IGDCC4: variants seen among roughly 807,000 people sequenced by gnomAD.
IGDCC4 encodes the protein likely ortholog of mouse neighbor of Punc E11.
A neutral mutation model predicts 116.6 loss-of-function variants in IGDCC4; 72 were observed. That is an observed-to-expected ratio of 0.62 (90% confidence interval 0.51 to 0.75). The LOEUF (loss-of-function observed/expected upper bound fraction) is 0.75. Ranked by LOEUF, IGDCC4 falls within the 30% of genes least tolerant of loss-of-function variation. The pLI is 0.00. For synonymous variants in IGDCC4, 709 were observed against 719.9 expected, an observed-to-expected ratio of 0.98 and a Z score of 0.24; for missense variants, 1,501 against 1,662.4, an observed-to-expected ratio of 0.90 and a Z score of 1.69.
At chr15:65,392,105 T>G in intron 11 of IGDCC4, 29 bp downstream of exon 11, 6 of 1,429,152 alleles carry the variant, frequency 4.2e-6, no homozygotes, top group Non-Finnish European at 4.8e-6. Flanking sequence ...GCTACATCCC[T>G]CCCTCCCCCT....
chr15:65,402,454 G>A lies in IGDCC4; in HGVS notation c.597C>T (p.Ile199=), dbSNP rs1157857019. ...CTGCATCACTCTCCTGAACATCCAG[G>A]ATCTGAAGGACGCCGTTGGGAAGCA... ...LIVLPNGVLQ[I]LDVQESDAGP... is the part of the protein sequence containing the mutation. Residue 199 remains isoleucine (I), a synonymous_variant, in exon 4 of 20, where the codon ATC becomes ATT. Transcript: ENST00000352385. 1.3e-6 allele frequency: 2 copies of A among 1,567,132 alleles called. No individual in the cohort carries two copies. Among genetic ancestry groups the A allele is most frequent in the Non-Finnish European group, 8.7e-7 (1 of 1,155,260 alleles).
In IGDCC4 at chr15:65,410,279, C is replaced by T. The variant is rs367852453; in HGVS notation, c.462G>A (p.Val154=). 20 of 1,613,946 alleles carry T rather than the reference C, an allele frequency of 1.2e-5. No homozygotes were observed. The highest frequency in any genetic ancestry group is 1.6e-4 in the Middle Eastern group (1 of 6,064). The stretch of plus-strand genomic sequence containing the variant: ...CAAAGCGAGCTGTCCCGTTCTCCTC[C>T]ACCGTCTGAGACTCCGGGTGCAGAG... The part of the protein sequence containing the change: ...DFSLHPESQT[V]EENGTARFEC... The change falls in exon 3 of 20, where the codon GTG becomes GTA. Residue 154 remains valine (V), a synonymous_variant. Coordinates refer to ENST00000352385, the MANE Select transcript of IGDCC4 (RefSeq NM_020962.3).
At position 65,396,002 on chromosome 15, in the gene IGDCC4, C is replaced by G. The variant is rs963413436; in HGVS notation, c.1159G>C (p.Gly387Arg). Residue 387 changes from glycine to arginine, a missense_variant, in exon 7 of 20, where the codon GGT becomes CGT. By Grantham distance (125) the Gly-to-Arg change is moderately radical (BLOSUM62 -2). Transcript: ENST00000352385. ...ATCTGTGTGATGACCAGGCTGCCAC[C>G]GCCGCCCTGGACCTTGACGCGCCCG... is the stretch of plus-strand genomic sequence containing the variant. ...PNGRVKVQGG[G>R]GSLVITQIGL... is the part of the protein sequence containing the mutation. The G allele has an allele frequency of 6.5e-6, 10 of 1,546,394 alleles. No individual in the cohort carries two copies. The highest frequency in any genetic ancestry group is 6.9e-6 in the Non-Finnish European group (8 of 1,154,780).
Position 65,394,498 on chromosome 15 carries a change from T to C in IGDCC4, c.1627A>G (p.Ile543Val). The part of the protein sequence containing the change: ...LSLSSPNPSD[I>V]RVAWLPLPPS... ...GGCAGGGGCAGCCACGCCACCCTGA[T>C]GTCCGAAGGGTTGGGGCTGGACAGG... is the stretch of plus-strand genomic sequence containing the variant. The change falls in exon 9 of 20, where the codon ATC becomes GTC. Residue 543 changes from isoleucine to valine, a missense_variant. Coordinates refer to ENST00000352385, the MANE Select transcript of IGDCC4 (RefSeq NM_020962.3). 1 of 1,613,498 alleles carries C rather than the reference T, an allele frequency of 6.2e-7. No homozygotes were observed. The highest frequency in any genetic ancestry group is 8.5e-7 in the Non-Finnish European group (1 of 1,179,632).
chr15:65,415,833 T>C (rs1292196445), intron 1 of IGDCC4, among the ~76,000 whole-genome samples: 1 of 152,184 alleles, frequency 6.6e-6, no homozygotes, highest in African/African-American at 2.4e-5. Context: ...TCTGTGAGGC[T>C]GCTCCTACCT....
chr15:65,390,082 T>TG, intron 13 of IGDCC4, 73 bp downstream of exon 13: 1 of 1,362,440 alleles, frequency 7.3e-7, no homozygotes, highest in Non-Finnish European at 1.0e-6. Context: ...GATCACCACC[T>TG]GCTGCCTTCC....
intron 1 of IGDCC4, among the ~76,000 whole-genome samples, chr15:65,420,638 C>A (rs545796203): frequency 6.6e-6 from 1 of 152,090 alleles, no homozygotes; most frequent in Non-Finnish European, 1.5e-5. Flanking sequence ...CCTCACCTGC[C>A]CCCCATCCAC....
chr15:65,422,517 C>T (rs2063202318), intron 1 of IGDCC4, among the ~76,000 whole-genome samples: 1 of 124,370 alleles, frequency 8.0e-6, no homozygotes, highest in South Asian at 2.8e-4. Flanking sequence ...AGGAGCACTC[C>T]CAACACACAC....
Position 65,396,146 on chromosome 15 carries a change from G to A in IGDCC4, c.1015C>T (p.Gln339Ter). 1.3e-6 allele frequency: 2 copies of A among 1,481,700 alleles called. No individual in the cohort carries two copies. The highest frequency in any genetic ancestry group is 1.8e-6 in the Non-Finnish European group (2 of 1,122,716). The allele number at this position is 1,481,700 out of a possible 1,614,324, so 91.8% of individuals were successfully genotyped here. A position where few individuals can be genotyped will look rare whatever the true frequency, so the allele number is the denominator to read the frequency against. The change falls in exon 7 of 20, where the codon CAG (glutamine) becomes TAG (stop). Residue 339 changes from glutamine to a stop codon, truncating the protein, a stop_gained. Coordinates refer to ENST00000352385, the MANE Select transcript of IGDCC4 (RefSeq NM_020962.3). LOFTEE classifies it high-confidence loss of function. ...LRVLAAPAIT[Q>*]APEALSRTRA... is the part of the protein sequence containing the mutation. ...GTCCGCGACAGCGCCTCGGGCGCCT[G>A]AGTGATGGCGGGAGCCGCTAGGGGC...
rs769807932 is a variant in IGDCC4, at chr15:65,385,883, T to G, written c.3128A>C (p.His1043Pro). The change falls in exon 18 of 20, where the codon CAC becomes CCC. Residue 1043 changes from histidine to proline, a missense_variant. Around this residue, in one of 3 missense-constraint regions of IGDCC4, gnomAD observed 368 missense variants for 355.6 expected, o/e 1.03. Transcript: ENST00000352385. ...PSDVEDRAEV[H>P]SLMGGGVSEG... The stretch of plus-strand genomic sequence containing the variant: ...AGAAACACCGCCACCCATAAGGCTG[T>G]GCACTTCAGCCCTGTCCTCCACGTC... 4 of 1,612,684 alleles carry G rather than the reference T, an allele frequency of 2.5e-6. No individual in the cohort carries two copies. The African/African-American group carries it at 4.0e-5, about 16-fold the overall frequency.
intron 11 of IGDCC4, 51 bp downstream of exon 11, chr15:65,392,083 G>GT: frequency 6.7e-7 from 1 of 1,503,176 alleles, no homozygotes; most frequent in Non-Finnish European, 9.0e-7. Flanking sequence ...AACTTGCCCA[G>GT]TCCCCACTGA....
Position 65,381,639 on chromosome 15 carries a change from G to A in IGDCC4, c.*2370C>T, listed in dbSNP as rs961993122. 1 of 152,124 alleles carries A rather than the reference G, an allele frequency of 6.6e-6. No individual in the cohort carries two copies. The highest frequency in any genetic ancestry group is 1.5e-5 in the Non-Finnish European group (1 of 68,024). The allele number at this position is 152,124 out of a possible 1,614,324, so 9.4% of individuals were successfully genotyped here. ...ATAAACTAAATACAGACAAATAAAT[G>A]AGCAAGTACTGATTACACTTGTCAT... On this transcript the variant is annotated 3_prime_UTR_variant, in exon 20 of 20. Transcript: ENST00000352385.
chr15:65,396,966 C>T lies in IGDCC4; in HGVS notation c.865G>A (p.Val289Ile). Reference protein sequence around the residue: ...RQDGKPISTDVIVLGRTNLLI... With the variant: ...RQDGKPISTDIIVLGRTNLLI... Reference sequence around the variant, plus strand: ...AGGTTGGTGCGGCCCAGGACGATGACATCTGTGGAGATGGGCTTCCCGTCT... The same window carrying T: ...AGGTTGGTGCGGCCCAGGACGATGATATCTGTGGAGATGGGCTTCCCGTCT... The change falls in exon 6 of 20, where the codon GTC (valine) becomes ATC (isoleucine). Residue 289 changes from valine (V) to isoleucine (I), a missense_variant. Coordinates refer to ENST00000352385, the MANE Select transcript of IGDCC4 (RefSeq NM_020962.3). 6.3e-7 allele frequency: 1 copy of T among 1,581,126 alleles called. No individual in the cohort carries two copies. Among genetic ancestry groups the T allele is most frequent in the Non-Finnish European group, 8.6e-7 (1 of 1,163,224 alleles).
Position 65,385,125 on chromosome 15 carries a change from G to A in IGDCC4, c.3181-10C>T. On this transcript the variant is annotated splice_polypyrimidine_tract_variant and intron_variant, in intron 18 of 19. Transcript: ENST00000352385. The stretch of plus-strand genomic sequence containing the variant: ...GTTGAGCCCAGGAGATCTGCACGGG[G>A]GAAAGAAGGGGACAGTAAGGGGCAC... The A allele has an allele frequency of 6.4e-7, 1 of 1,573,634 alleles. No homozygotes were observed. Among genetic ancestry groups the A allele is most frequent in the Non-Finnish European group, 8.6e-7 (1 of 1,168,556 alleles).
chr15:65,422,842 G>T lies in IGDCC4; in HGVS notation c.21C>A (p.Gly7=). 1.7e-6 allele frequency: 2 copies of T among 1,206,326 alleles called. No individual in the cohort carries two copies. Among genetic ancestry groups the T allele is most frequent in the East Asian group, 3.5e-5 (1 of 28,482 alleles). The allele number at this position is 1,206,326 out of a possible 1,614,324, so 74.7% of individuals were successfully genotyped here. A position where few individuals can be genotyped will look rare whatever the true frequency, so the allele number is the denominator to read the frequency against. The change falls in exon 1 of 20, where the codon GGC becomes GGA. Residue 7 remains glycine, a synonymous_variant. Coordinates refer to ENST00000352385, the MANE Select transcript of IGDCC4 (RefSeq NM_020962.3). MARGDA[G]RGRGLLALTF... ...TCAACGCGAGGAGCCCGCGGCCGCG[G>T]CCGGCGTCCCCCCGCGCCATGGGGC...
At position 65,396,129 on chromosome 15, in the gene IGDCC4, C is replaced by T. The variant is rs2062923666; in HGVS notation, c.1032G>A (p.Leu344=). Reference sequence around the variant, plus strand: ...GCGCTGTGCTCGCCCGCGTCCGCGACAGCGCCTCGGGCGCCTGAGTGATGG... The same window carrying T: ...GCGCTGTGCTCGCCCGCGTCCGCGATAGCGCCTCGGGCGCCTGAGTGATGG... The part of the protein sequence containing the change: ...APAITQAPEA[L]SRTRASTARF... The change falls in exon 7 of 20, where the codon CTG becomes CTA. Residue 344 remains leucine (L), a synonymous_variant. Transcript: ENST00000352385. 4.8e-6 allele frequency: 7 copies of T among 1,460,832 alleles called. No homozygotes were observed. The highest frequency in any genetic ancestry group is 6.3e-6 in the Non-Finnish European group (7 of 1,113,446). The allele number at this position is 1,460,832 out of a possible 1,614,324, so 90.5% of individuals were successfully genotyped here.
chr15:65,388,367 A>C (rs571456818), intron 16 of IGDCC4, 82 bp downstream of exon 16: 4 of 1,588,556 alleles, frequency 2.5e-6, no homozygotes, highest in African/African-American at 2.7e-5. Context: ...ACAGCTGTGC[A>C]AAACAATGAA....
At chr15:65,392,468 G>C in intron 10 of IGDCC4, 98 bp from the exon 11 acceptor site, 1 of 917,260 alleles carries the variant, frequency 1.1e-6, no homozygotes, top group Non-Finnish European at 1.6e-6. Context: ...GCATGAGGAA[G>C]AGACAGGAAG....
chr15:65,416,650 G>A (rs2063147813), intron 1 of IGDCC4, among the ~76,000 whole-genome samples: 1 of 151,986 alleles, frequency 6.6e-6, no homozygotes, highest in African/African-American at 2.4e-5. Flanking sequence ...TCTCAGTGCC[G>A]GGGTGGACAC....
Sources: gnomAD v4.1 joint callset for allele counts (sites outside exome capture counted in the v4.1 genomes callset) on GRCh38, gnomAD v4.1.1 for gene constraint, gnomAD v4.1.1 regional missense constraint, MANE v1.5 for transcripts, NCBI Gene and HGNC (gene_info 2026-07-23, HGNC 2026-07-21) for gene names.